Variants in FER observed in about 807,000 individuals in gnomAD.
FER encodes tyrosine-protein kinase Fer.
FER carries 63 observed loss-of-function variants against 111.0 expected under a neutral mutation model. That is an observed-to-expected ratio of 0.57 (90% CI 0.46 to 0.70). The LOEUF is 0.70. FER is among the 30% of genes least tolerant of loss of function. The pLI is 0.00. For synonymous variants in FER, 327 were observed against 313.9 expected (o/e 1.04, Z -0.44); for missense variants, 914 against 954.0 (o/e 0.96, Z 0.55).
At chr5:109,118,110 G>A (rs1750490443) in intron 17 of FER, among the ~76,000 whole-genome samples, 1 of 152,072 alleles carries the variant, frequency 6.6e-6, no homozygotes, top group Admixed American at 6.6e-5. Context: ...AATGCTTCCA[G>A]TTTTTGCCCA....
At chr5:108,802,907 G>T (rs1289455848) in intron 3 of FER, among the ~76,000 whole-genome samples, 1 of 152,104 alleles carries the variant, frequency 6.6e-6, no homozygotes, top group African/African-American at 2.4e-5. Context: ...ATTTCTTTGA[G>T]AAATCTCTAG....
intron 3 of FER, chr5:108,819,753 A>G (rs1167039945): frequency 1.0e-6 from 1 of 975,816 alleles, no homozygotes; most frequent in African/African-American, 1.8e-5. Flanking sequence ...GAAAAAAAGC[A>G]TTTTTTTAAA....
intron 1 of FER, among the ~76,000 whole-genome samples, chr5:108,761,622 A>G (rs1751761432): frequency 2.0e-5 from 3 of 152,246 alleles, no homozygotes; most frequent in Admixed American, 2.0e-4. Flanking sequence ...AAATGTGTAT[A>G]TGCTTTGGAA....
intron 13 of FER, among the ~76,000 whole-genome samples, chr5:108,970,849 T>C (rs1323709633): frequency 6.6e-6 from 1 of 152,076 alleles, no homozygotes; most frequent in African/African-American, 2.4e-5. Context: ...AGGTGAATAA[T>C]CTGAAAAGTT....
chr5:108,977,162 G>C (rs548367986), intron 13 of FER, among the ~76,000 whole-genome samples: 1 of 152,256 alleles, frequency 6.6e-6, no homozygotes, highest in East Asian at 1.9e-4. Flanking sequence ...CAGTAGTAAT[G>C]TATGTACTAC....
At chr5:108,985,377 T>C (rs1268176595) in intron 13 of FER, among the ~76,000 whole-genome samples, 2 of 152,184 alleles carry the variant, frequency 1.3e-5, no homozygotes, top group African/African-American at 2.4e-5. Flanking sequence ...TGTTTTTTCG[T>C]GCATTTAACC....
chr5:109,178,801 A>G (rs1231981395), intron 17 of FER, among the ~76,000 whole-genome samples: 1 of 152,158 alleles, frequency 6.6e-6, no homozygotes, highest in Non-Finnish European at 1.5e-5. Flanking sequence ...CCTCATTTCC[A>G]TATACATTTT....
At chr5:108,914,441 A>T (rs1455608405) in intron 10 of FER, among the ~76,000 whole-genome samples, 2 of 152,124 alleles carry the variant, frequency 1.3e-5, no homozygotes, top group African/African-American at 4.8e-5. Context: ...TTTTACTGAG[A>T]AACTATAGTT....
intron 17 of FER, among the ~76,000 whole-genome samples, chr5:109,158,610 C>G (rs1400366930): frequency 6.6e-6 from 1 of 152,068 alleles, no homozygotes; most frequent in Non-Finnish European, 1.5e-5. Flanking sequence ...TTCATCATAC[C>G]TCTCTTGAGA....
At position 109,047,964 on chromosome 5, in the gene FER, A is replaced by C. The variant is rs181295044; in HGVS notation, c.1924+766A>C. On this transcript the variant is annotated intron_variant, in intron 16 of 19. Coordinates refer to ENST00000281092, the MANE Select transcript of FER (RefSeq NM_005246.4). Reference sequence around the variant, plus strand: ...GTTTTAAAGTTTTTTTCGTTGTCCAACTTCCTGTTGTAGAAGATACATTCA... The same window carrying C: ...GTTTTAAAGTTTTTTTCGTTGTCCACCTTCCTGTTGTAGAAGATACATTCA... Among the ~76,000 whole-genome samples, 805 of 152,260 alleles carry C rather than the reference A, an allele frequency of 5.3e-3. 6 individuals carry two copies. The highest frequency in any genetic ancestry group is 0.019 in the African/African-American group (782 of 41,546).
intron 2 of FER, among the ~76,000 whole-genome samples, chr5:108,794,899 C>T (rs1317636915): frequency 6.6e-6 from 1 of 152,086 alleles, no homozygotes; most frequent in African/African-American, 2.4e-5. Context: ...GTTCAATAAC[C>T]TTCTTGTACA....
chr5:108,808,595 CAATATT>C lies in FER; in HGVS notation c.207+10224_207+10229del, dbSNP rs562240394. 6.6e-5 allele frequency among the ~76,000 whole-genome samples: 10 copies of C among 151,720 alleles called. No individual in the cohort carries two copies. The East Asian group carries it at 7.7e-4, about 12-fold the overall frequency. ...GTGGAGTAGTTAGACAGTTTACATT[CAATATT>C]AATATTAATATTAATATGTAAGATT... On this transcript the variant is annotated intron_variant, in intron 3 of 19. Transcript: ENST00000281092.
At chr5:109,153,696 G>A (rs1018021112) in intron 17 of FER, among the ~76,000 whole-genome samples, 2 of 151,810 alleles carry the variant, frequency 1.3e-5, no homozygotes, top group African/African-American at 4.8e-5. Context: ...TCACTATGAG[G>A]CAAGTGATAT....
intron 17 of FER, among the ~76,000 whole-genome samples, chr5:109,146,827 G>T (rs1028151421): frequency 6.6e-6 from 1 of 152,012 alleles, no homozygotes; most frequent in Non-Finnish European, 1.5e-5. Context: ...TTGCTATGTT[G>T]TATGCGTCAT....
At chr5:108,916,745 C>CTT (rs547578188) in intron 10 of FER, among the ~76,000 whole-genome samples, 1 of 152,084 alleles carries the variant, frequency 6.6e-6, no homozygotes, top group Non-Finnish European at 1.5e-5. Flanking sequence ...CCAGAAAACT[C>CTT]TATCATGTTC....
At chr5:108,788,537 T>C (rs932995991) in intron 2 of FER, among the ~76,000 whole-genome samples, 5 of 151,502 alleles carry the variant, frequency 3.3e-5, no homozygotes, top group Non-Finnish European at 7.4e-5. Flanking sequence ...CTAATATCTT[T>C]TTTTTTTTTT....
At chr5:108,995,770 G>C (rs1052841005) in intron 13 of FER, among the ~76,000 whole-genome samples, 1 of 152,124 alleles carries the variant, frequency 6.6e-6, no homozygotes, top group African/African-American at 2.4e-5. Flanking sequence ...ATAATCCTTT[G>C]GGTAGATAGC....
At chr5:108,819,288 A>G (rs1758599145) in intron 3 of FER, among the ~76,000 whole-genome samples, 2 of 151,580 alleles carry the variant, frequency 1.3e-5, no homozygotes, top group South Asian at 4.2e-4. Flanking sequence ...CTGTAATTCC[A>G]AAGTGCTGGG....
chr5:109,070,084 G>T (rs1310076618), intron 16 of FER, among the ~76,000 whole-genome samples: 1 of 151,516 alleles, frequency 6.6e-6, no homozygotes, highest in South Asian at 2.1e-4. Flanking sequence ...CATTTATGTG[G>T]TTTTTTGGAG....
Sources: gnomAD v4.1 joint callset for allele counts (sites outside exome capture counted in the v4.1 genomes callset) on GRCh38, gnomAD v4.1.1 for gene constraint, MANE v1.5 for transcripts, NCBI Gene and HGNC (gene_info 2026-07-23, HGNC 2026-07-21) for gene names.